The following CRPPA variants were observed in gnomAD, a reference collection of about 807,000 sequenced individuals.
CRPPA encodes the protein CDP-L-ribitol pyrophosphorylase A, also known as D-ribitol-5-phosphate cytidylyltransferase.
In CRPPA, 43 loss-of-function variants were observed where a neutral mutation model predicts 52.0. The ratio of observed to expected loss-of-function variants is 0.83; its 90% CI spans 0.65 to 1.07. CRPPA has a LOEUF of 1.07. Ranked by LOEUF, CRPPA falls within the 50% of genes least tolerant of loss-of-function variation. The pLI is 0.00. For missense variants in CRPPA, 629 were observed against 551.7 expected, an observed-to-expected ratio of 1.14 and a Z score of -1.40; for synonymous variants, 250 against 203.5, an observed-to-expected ratio of 1.23 and a Z score of -1.94.
At chr7:16,380,494 G>A (rs1156372745) in intron 2 of CRPPA, among the ~76,000 whole-genome samples, 1 of 152,156 alleles carries the variant, frequency 6.6e-6, no homozygotes, top group Admixed American at 6.5e-5. Context: ...TCAGAATGAT[G>A]CTGGCCTCAT....
intron 3 of CRPPA, among the ~76,000 whole-genome samples, chr7:16,356,402 C>G (rs756270561): frequency 6.6e-6 from 1 of 152,160 alleles, no homozygotes; most frequent in African/African-American, 2.4e-5. Flanking sequence ...TTAAAGATAG[C>G]CACAAATGCT....
intron 9 of CRPPA, among the ~76,000 whole-genome samples, chr7:16,145,495 T>A (rs1172430316): frequency 1.3e-5 from 2 of 151,882 alleles, no homozygotes; most frequent in Non-Finnish European, 2.9e-5. Flanking sequence ...GATAACAAAA[T>A]GAAAATTCAT....
At chr7:16,134,663 G>C (rs187449175) in intron 9 of CRPPA, among the ~76,000 whole-genome samples, 7 of 152,252 alleles carry the variant, frequency 4.6e-5, no homozygotes, top group African/African-American at 1.7e-4. Flanking sequence ...AAGAACACTT[G>C]CTGAAGTTTC....
At chr7:16,228,261 A>T (rs1173546594) in intron 8 of CRPPA, among the ~76,000 whole-genome samples, 1 of 151,722 alleles carries the variant, frequency 6.6e-6, no homozygotes, top group African/African-American at 2.4e-5. Context: ...CTTCAAAAAA[A>T]CTCACTCTTA....
chr7:16,231,192 G>A (rs1562572851), intron 8 of CRPPA, among the ~76,000 whole-genome samples: 1 of 152,140 alleles, frequency 6.6e-6, no homozygotes, highest in East Asian at 1.9e-4. Context: ...TTGGGGAGGA[G>A]TAACACAGGT....
rs1781827997 is a variant in CRPPA at position 16,091,107 on chromosome 7, T to G, written c.*588A>C. ...AATTTAAAAACAGAAAAGAAGGAAA[T>G]GACATCTGTTTTAGGGATCTTGAGT... On this transcript the variant is annotated 3_prime_UTR_variant, in exon 10 of 10. Transcript: ENST00000407010. 1 of 152,238 alleles carries G rather than the reference T, an allele frequency of 6.6e-6. No homozygotes were observed. The highest frequency in any genetic ancestry group is 6.5e-5 in the Admixed American group (1 of 15,288). 9.4% of individuals were successfully genotyped at this position (152,238 alleles called of 1,614,324 possible).
intron 8 of CRPPA, among the ~76,000 whole-genome samples, chr7:16,245,804 C>T (rs924189359): frequency 6.6e-6 from 1 of 152,176 alleles, no homozygotes; most frequent in Non-Finnish European, 1.5e-5. Flanking sequence ...TTACATTATA[C>T]TATCATCCGT....
At chr7:16,094,439 T>C (rs886106108) in intron 9 of CRPPA, among the ~76,000 whole-genome samples, 1 of 151,964 alleles carries the variant, frequency 6.6e-6, no homozygotes, top group Non-Finnish European at 1.5e-5. Context: ...AGGAAAAAAA[T>C]GCAAACCCAA....
intron 9 of CRPPA, among the ~76,000 whole-genome samples, chr7:16,145,365 C>G (rs1369886612): frequency 1.3e-5 from 2 of 152,146 alleles, no homozygotes; most frequent in Admixed American, 6.5e-5. Context: ...AGGCCTGTAC[C>G]TGCTGAAAAC....
chr7:16,294,478 T>C (rs1784630932), intron 5 of CRPPA, among the ~76,000 whole-genome samples: 1 of 151,944 alleles, frequency 6.6e-6, no homozygotes, highest in Non-Finnish European at 1.5e-5. Context: ...TACTTTTTTT[T>C]TTACAGTAAG....
At position 16,132,303 on chromosome 7, in the gene CRPPA, A is replaced by G. The variant is rs1021912803; in HGVS notation, c.1252-40504T>C. ...ACATTATTGTATTTTGGAAACATATAACATGTTTGTTTCACAGGTTCCCAG... is the reference window on the plus strand; with the variant it reads ...ACATTATTGTATTTTGGAAACATATGACATGTTTGTTTCACAGGTTCCCAG... On this transcript the variant is annotated intron_variant, in intron 9 of 9. Coordinates refer to ENST00000407010, the MANE Select transcript of CRPPA (RefSeq NM_001101426.4). Among the ~76,000 whole-genome samples, 11 of 125,064 alleles carry G rather than the reference A, an allele frequency of 8.8e-5. 1 individual carries two copies. The highest frequency in any genetic ancestry group is 2.9e-4 in the African/African-American group (11 of 38,562). 82.0% of individuals were successfully genotyped at this position (125,064 alleles called of 152,430 possible).
At chr7:16,390,895 A>C (rs914754373) in intron 2 of CRPPA, among the ~76,000 whole-genome samples, 1 of 152,158 alleles carries the variant, frequency 6.6e-6, no homozygotes, top group Non-Finnish European at 1.5e-5. Flanking sequence ...GTTAAACTCT[A>C]TATTGGTTTG....
chr7:16,188,595 T>G (rs1781549897), intron 9 of CRPPA, among the ~76,000 whole-genome samples: 1 of 152,154 alleles, frequency 6.6e-6, no homozygotes, highest in African/African-American at 2.4e-5. Flanking sequence ...CAGAGCCTTG[T>G]TTTTCTCACC....
chr7:16,329,018 C>T (rs1453245207), intron 3 of CRPPA, among the ~76,000 whole-genome samples: 1 of 152,120 alleles, frequency 6.6e-6, no homozygotes, highest in African/African-American at 2.4e-5. Context: ...AAGTAACATA[C>T]TATAAGTCCA....
chr7:16,132,251 A>G (rs1782694756), intron 9 of CRPPA, among the ~76,000 whole-genome samples: 1 of 85,110 alleles, frequency 1.2e-5, no homozygotes. Context: ...CCGCTTTCAG[A>G]GTGGTGATGT....
intron 3 of CRPPA, among the ~76,000 whole-genome samples, chr7:16,365,256 G>C (rs1339934388): frequency 6.6e-6 from 1 of 152,208 alleles, no homozygotes; most frequent in Non-Finnish European, 1.5e-5. Context: ...AGAGGGAGAT[G>C]TCAGATGAAC....
intron 2 of CRPPA, among the ~76,000 whole-genome samples, chr7:16,387,066 T>TATATATATATATATATACAC (rs1554352479): frequency 1.1e-3 from 116 of 109,036 alleles, no homozygotes; most frequent in Non-Finnish European, 1.5e-3. Flanking sequence ...TATATATATA[T>TATATATATATATATATACAC]ATATATATAT....
chr7:16,274,054 T>G (rs1784152155), intron 6 of CRPPA, among the ~76,000 whole-genome samples: 1 of 152,088 alleles, frequency 6.6e-6, no homozygotes, highest in Non-Finnish European at 1.5e-5. Flanking sequence ...TTGTTTTTGT[T>G]TTGTTTTGTT....
At chr7:16,094,072 C>T (rs1460247899) in intron 9 of CRPPA, among the ~76,000 whole-genome samples, 5 of 152,160 alleles carry the variant, frequency 3.3e-5, no homozygotes, top group Admixed American at 1.3e-4. Context: ...CTATATCTTA[C>T]AATAAATCAT....
Sources: gnomAD v4.1 joint callset for allele counts (sites outside exome capture counted in the v4.1 genomes callset) on GRCh38, gnomAD v4.1.1 for gene constraint, MANE v1.5 for transcripts, NCBI Gene and HGNC (gene_info 2026-07-23, HGNC 2026-07-21) for gene names.